The following GABRA3 variants were observed in gnomAD, a reference collection of about 807,000 sequenced individuals.
GABRA3 encodes the protein gamma-aminobutyric acid type A receptor subunit alpha3.
A neutral mutation model predicts 30.1 loss-of-function variants in GABRA3; 10 were observed. The ratio of observed to expected loss-of-function variants is 0.33; its 90% confidence interval spans 0.20 to 0.56. The LOEUF is 0.56. Ranked by LOEUF, GABRA3 falls within the 20% of genes least tolerant of loss-of-function variation. GABRA3 has a pLI of 0.89. For missense variants in GABRA3, 233 were observed against 392.0 expected (o/e 0.59, Z 3.42); for synonymous variants, 151 against 146.8 (o/e 1.03, Z -0.21).
intron 2 of GABRA3, among the ~76,000 whole-genome samples, chrX:152,355,429 G>A (rs1394866818): frequency 9.0e-6 from 1 of 111,220 alleles, no homozygotes; most frequent in Non-Finnish European, 1.9e-5. Flanking sequence ...AAAAGACTGG[G>A]CATGTAACTC....
At chrX:152,338,528 T>C (rs1476866686) in intron 3 of GABRA3, among the ~76,000 whole-genome samples, 1 of 112,008 alleles carries the variant, frequency 8.9e-6, no homozygotes, top group East Asian at 2.8e-4. Flanking sequence ...AGAAGCCTTT[T>C]AGCTAGATAG....
intron 3 of GABRA3, among the ~76,000 whole-genome samples, chrX:152,318,839 A>G (rs773996094): frequency 1.8e-5 from 2 of 111,805 alleles, no homozygotes; most frequent in South Asian, 7.4e-4. Flanking sequence ...AGCATACCTC[A>G]ATGTAATAAA....
intron 4 of GABRA3, among the ~76,000 whole-genome samples, chrX:152,282,566 A>G (rs917692034): frequency 8.9e-6 from 1 of 112,307 alleles, no homozygotes; most frequent in African/African-American, 3.2e-5. Context: ...GGAAGGTGCC[A>G]TTCTGTTGCT....
intron 2 of GABRA3, among the ~76,000 whole-genome samples, chrX:152,364,230 G>C (rs905078178): frequency 4.5e-5 from 5 of 111,353 alleles, no homozygotes; most frequent in South Asian, 7.6e-4. Flanking sequence ...CTGGGCCAGG[G>C]TGTTGTCTAA....
chrX:152,395,950 CAAATGT>C (rs777900885), intron 1 of GABRA3, among the ~76,000 whole-genome samples: 1 of 111,810 alleles, frequency 8.9e-6, no homozygotes, highest in South Asian at 3.7e-4. Flanking sequence ...CAAATGTCTC[CAAATGT>C]AAATGCTATT....
intron 3 of GABRA3, among the ~76,000 whole-genome samples, chrX:152,314,076 C>T (rs149700433): frequency 0.071 from 7,862 of 111,445 alleles, 280 homozygotes; most frequent in Non-Finnish European, 0.1. Flanking sequence ...TTCATTCAGA[C>T]GGGCTCATTT....
At chrX:152,181,976 G>A (rs1003300725) in intron 9 of GABRA3, among the ~76,000 whole-genome samples, 3 of 110,649 alleles carry the variant, frequency 2.7e-5, no homozygotes, top group Non-Finnish European at 5.7e-5. Flanking sequence ...CTGTCTTGCT[G>A]CTAACCTTGG....
At chrX:152,441,633 C>G (rs1340178478) in intron 1 of GABRA3, among the ~76,000 whole-genome samples, 1 of 111,430 alleles carries the variant, frequency 9.0e-6, no homozygotes, top group African/African-American at 3.3e-5. Flanking sequence ...GTAGGTAAAA[C>G]AACACAAGTG....
intron 1 of GABRA3, among the ~76,000 whole-genome samples, chrX:152,367,380 C>T (rs1928686102): frequency 9.0e-6 from 1 of 111,627 alleles, no homozygotes; most frequent in Non-Finnish European, 1.9e-5. Flanking sequence ...GATACATGAA[C>T]ACATAATCAT....
At chrX:152,386,109 G>GT (rs1230947738) in intron 1 of GABRA3, among the ~76,000 whole-genome samples, 1 of 107,415 alleles carries the variant, frequency 9.3e-6, no homozygotes, top group East Asian at 2.9e-4. Context: ...CTTTAAAGTA[G>GT]TTTTTTCCAA....
At chrX:152,448,098 G>T (rs1001939929) in intron 1 of GABRA3, among the ~76,000 whole-genome samples, 5 of 112,175 alleles carry the variant, frequency 4.5e-5, no homozygotes, top group African/African-American at 1.6e-4. Context: ...TTCTGTGATG[G>T]ATTAGGAAAC....
chrX:152,248,660 T>C (rs142470500), intron 5 of GABRA3, among the ~76,000 whole-genome samples: 93 of 111,825 alleles, frequency 8.3e-4, no homozygotes, highest in African/African-American at 2.9e-3. Context: ...ACAAATTCTC[T>C]TGTCATGTCT....
chrX:152,208,915 C>CT (rs892551950), intron 6 of GABRA3, among the ~76,000 whole-genome samples: 1 of 111,303 alleles, frequency 9.0e-6, no homozygotes, highest in African/African-American at 3.3e-5. Context: ...TCAGGTATTC[C>CT]TTCACAGCAA....
chrX:152,181,354 A>G (rs1314799346), intron 9 of GABRA3, among the ~76,000 whole-genome samples: 1 of 111,919 alleles, frequency 8.9e-6, no homozygotes, highest in Non-Finnish European at 1.9e-5. Context: ...TGATAAAGAA[A>G]TGCAACTGAT....
At chrX:152,328,815 C>T (rs1376131510) in intron 3 of GABRA3, among the ~76,000 whole-genome samples, 1 of 111,651 alleles carries the variant, frequency 9.0e-6, no homozygotes, top group Non-Finnish European at 1.9e-5. Flanking sequence ...TCTCTCACCA[C>T]TCCTATTCAA....
intron 2 of GABRA3, among the ~76,000 whole-genome samples, chrX:152,361,987 A>G (rs1360575691): frequency 8.9e-6 from 1 of 111,973 alleles, no homozygotes; most frequent in African/African-American, 3.2e-5. Context: ...ATCATGGCCC[A>G]GTGAAATGAA....
intron 6 of GABRA3, among the ~76,000 whole-genome samples, chrX:152,213,705 G>A: frequency 8.9e-6 from 1 of 111,760 alleles, no homozygotes; most frequent in Non-Finnish European, 1.9e-5. Flanking sequence ...GAGGAGGTAG[G>A]TAACCAGAAT....
chrX:152,320,271 C>T (rs896942111), intron 3 of GABRA3, among the ~76,000 whole-genome samples: 7 of 111,731 alleles, frequency 6.3e-5, no homozygotes, highest in South Asian at 3.7e-4. Flanking sequence ...CACTTGCACA[C>T]GCATGTTTAT....
At chrX:152,424,928 CTT>C (rs747255822) in intron 1 of GABRA3, among the ~76,000 whole-genome samples, 6,767 of 42,062 alleles carry the variant, frequency 0.16, 351 homozygotes, top group East Asian at 0.22. Flanking sequence ...TTTTTCTTTT[CTT>C]TTTTTTTTTT....
Sources: gnomAD v4.1 joint callset for allele counts (sites outside exome capture counted in the v4.1 genomes callset) on GRCh38, gnomAD v4.1.1 for gene constraint, MANE v1.5 for transcripts, NCBI Gene and HGNC (gene_info 2026-07-23, HGNC 2026-07-21) for gene names.